The following ANKRD44 variants were observed in gnomAD, a reference collection of about 807,000 sequenced individuals.
ANKRD44 encodes serine/threonine-protein phosphatase 6 regulatory ankyrin repeat subunit B.
ANKRD44 carries 35 observed loss-of-function variants against 116.0 expected under a neutral mutation model. The observed-to-expected ratio is 0.30, with a 90% confidence interval of 0.23 to 0.40. The LOEUF (loss-of-function observed/expected upper bound fraction) is 0.40. ANKRD44 is among the 10% of genes least tolerant of loss of function. ANKRD44 has a pLI of 1.00. For missense variants in ANKRD44, 1,014 were observed against 1,242.6 expected (o/e 0.82, Z 2.77); for synonymous variants, 435 against 461.8 (o/e 0.94, Z 0.74).
intron 2 of ANKRD44, among the ~76,000 whole-genome samples, chr2:197,184,100 A>G (rs896088348): frequency 2.6e-5 from 4 of 152,312 alleles, no homozygotes; most frequent in East Asian, 1.9e-4. Context: ...TCTCAACTCA[A>G]TACATAACTA....
intron 8 of ANKRD44, among the ~76,000 whole-genome samples, chr2:197,119,062 A>G (rs192429402): frequency 1.3e-3 from 194 of 152,264 alleles, no homozygotes; most frequent in Non-Finnish European, 2.4e-3. Context: ...TATATCAAGC[A>G]TATTAACTAT....
chr2:197,001,084 C>A (rs999727265), intron 22 of ANKRD44, among the ~76,000 whole-genome samples: 3 of 152,146 alleles, frequency 2.0e-5, no homozygotes, highest in Admixed American at 2.0e-4. Flanking sequence ...CTCTTTTTTA[C>A]TTATACTTTC....
At chr2:196,996,405 C>T (rs1049183905) in intron 25 of ANKRD44, among the ~76,000 whole-genome samples, 1 of 152,216 alleles carries the variant, frequency 6.6e-6, no homozygotes, top group Non-Finnish European at 1.5e-5. Context: ...GCTGAGACTA[C>T]TGGTACCATA....
In ANKRD44 at chr2:197,260,232, A is replaced by T. The variant is rs1247681863; in HGVS notation, c.27+50346T>A. On this transcript the variant is annotated intron_variant, in intron 1 of 27. Coordinates refer to ENST00000282272, the MANE Select transcript of ANKRD44 (RefSeq NM_001195144.2). ...TATATCTCCTAATGCTATCCTCCCC[A>T]CTCCCCCCACTCCACAACAGTCCCC... Among the ~76,000 whole-genome samples the T allele has an allele frequency of 5.0e-5, 7 of 140,196 alleles. No individual in the cohort carries two copies. In the East Asian group the frequency reaches 1.6e-3, roughly 32 times the overall value. The allele number at this position is 140,196 out of a possible 152,430, so 92.0% of individuals were successfully genotyped here. A position where few individuals can be genotyped will look rare whatever the true frequency, so the allele number is the denominator to read the frequency against.
intron 16 of ANKRD44, among the ~76,000 whole-genome samples, chr2:197,050,289 C>T (rs888334716): frequency 2.6e-5 from 4 of 152,234 alleles, no homozygotes; most frequent in African/African-American, 9.6e-5. Context: ...CCCACCAGGC[C>T]CCACCTCCAA....
Position 197,159,584 on chromosome 2 carries a change from A to T in ANKRD44, c.112-12479T>A, listed in dbSNP as rs1210615860. Among the ~76,000 whole-genome samples, 19 of 152,366 alleles carry T rather than the reference A, an allele frequency of 1.2e-4. No homozygotes were observed. In the South Asian group the frequency reaches 3.9e-3, roughly 32 times the overall value. ...TTATTTCCTGTCCAAAGACTTCAATACCTTGTAGTAGGTTCTGAATAATTG... is the reference window on the plus strand; with the variant it reads ...TTATTTCCTGTCCAAAGACTTCAATTCCTTGTAGTAGGTTCTGAATAATTG... On this transcript the variant is annotated intron_variant, in intron 2 of 27. Coordinates refer to ENST00000282272, the MANE Select transcript of ANKRD44 (RefSeq NM_001195144.2).
rs2078960060 is a variant in ANKRD44 at position 197,125,747 on chromosome 2, TC to T, written c.462+89del. On this transcript the variant is annotated intron_variant, in intron 5 of 27. Transcript: ENST00000282272. The stretch of plus-strand genomic sequence containing the variant: ...TGGTGTACAAATATTTTCATCACAT[TC>T]TTTAAAATCTCAGCAAGAAGATCAG... 3.5e-5 allele frequency: 48 copies of T among 1,387,196 alleles called. 1 individual carries two copies. The South Asian group carries it at 5.1e-4, about 15-fold the overall frequency. 85.9% of individuals were successfully genotyped at this position (1,387,196 alleles called of 1,614,324 possible). A position where few individuals can be genotyped will look rare whatever the true frequency, so the allele number is the denominator to read the frequency against.
chr2:197,278,279 A>C (rs1239674177), intron 1 of ANKRD44, among the ~76,000 whole-genome samples: 1 of 146,364 alleles, frequency 6.8e-6, no homozygotes, highest in African/African-American at 2.7e-5. Flanking sequence ...ATGAATAGAA[A>C]TAAAGATGAA....
chr2:197,134,688 G>T (rs2079175548), intron 4 of ANKRD44: 1 of 152,056 alleles, frequency 6.6e-6, no homozygotes, highest in Non-Finnish European at 1.5e-5. Context: ...GAGACCATCG[G>T]TCTTAGTTTT....
At chr2:197,161,530 C>G (rs1424401776) in intron 2 of ANKRD44, among the ~76,000 whole-genome samples, 2 of 152,038 alleles carry the variant, frequency 1.3e-5, no homozygotes, top group African/African-American at 4.8e-5. Flanking sequence ...AGAGTCTTCT[C>G]CTACAAAAAT....
intron 1 of ANKRD44, among the ~76,000 whole-genome samples, chr2:197,243,151 A>G (rs545516515): frequency 2.0e-5 from 3 of 152,200 alleles, no homozygotes. Context: ...TATTTAGAGG[A>G]GTTTCCATGA....
At chr2:197,084,732 G>A (rs1049298916) in intron 13 of ANKRD44, among the ~76,000 whole-genome samples, 2 of 151,766 alleles carry the variant, frequency 1.3e-5, no homozygotes, top group Admixed American at 6.6e-5. Context: ...TCTCTCATTA[G>A]TTGACTTTTC....
chr2:197,042,224 C>T (rs1014161741), intron 16 of ANKRD44, among the ~76,000 whole-genome samples: 1 of 152,084 alleles, frequency 6.6e-6, no homozygotes, highest in Non-Finnish European at 1.5e-5. Context: ...GATAATTATG[C>T]CTCTTTTTAT....
intron 16 of ANKRD44, among the ~76,000 whole-genome samples, chr2:197,047,160 A>G (rs1245222291): frequency 6.6e-6 from 1 of 152,090 alleles, no homozygotes; most frequent in Non-Finnish European, 1.5e-5. Context: ...ATGGGATTAC[A>G]AGCACACACC....
intron 16 of ANKRD44, among the ~76,000 whole-genome samples, chr2:197,040,788 T>G (rs933279752): frequency 6.6e-6 from 1 of 152,198 alleles, no homozygotes; most frequent in Non-Finnish European, 1.5e-5. Context: ...GAACCAGTTT[T>G]GTATCTAAAC....
intron 21 of ANKRD44, among the ~76,000 whole-genome samples, chr2:196,969,242 G>A (rs1216674246): frequency 6.6e-6 from 1 of 152,112 alleles, no homozygotes; most frequent in Admixed American, 6.5e-5. Flanking sequence ...TATGAAAGGA[G>A]TCTCAATTCA....
chr2:197,263,432 TG>T (rs977594648), intron 1 of ANKRD44: 119 of 570,756 alleles, frequency 2.1e-4, no homozygotes, highest in African/African-American at 1.7e-3. Context: ...AACCCTTCTC[TG>T]AAACAACAGC....
At chr2:197,275,655 T>C (rs80263180) in intron 1 of ANKRD44, among the ~76,000 whole-genome samples, 2,003 of 152,030 alleles carry the variant, frequency 0.013, 20 homozygotes, top group Non-Finnish European at 0.021. Flanking sequence ...ACAGCAGTGG[T>C]TCTCAGCGGG....
At chr2:197,013,760 A>C in intron 17 of ANKRD44, 48 bp from the exon 18 acceptor site, 1 of 1,599,638 alleles carries the variant, frequency 6.3e-7, no homozygotes, top group Non-Finnish European at 8.5e-7. Flanking sequence ...CTCACCTCAA[A>C]TCCCGCCACA....
Sources: gnomAD v4.1 joint callset for allele counts (sites outside exome capture counted in the v4.1 genomes callset) on GRCh38, gnomAD v4.1.1 for gene constraint, MANE v1.5 for transcripts, NCBI Gene and HGNC (gene_info 2026-07-23, HGNC 2026-07-21) for gene names.